The following NUP58 variants were observed in gnomAD, a reference collection of about 807,000 sequenced individuals.
The protein encoded by NUP58 is nucleoporin 58.
NUP58 carries 17 observed loss-of-function variants against 70.1 expected under a neutral mutation model. That is an observed-to-expected ratio of 0.24 (90% confidence interval 0.17 to 0.36). The LOEUF (loss-of-function observed/expected upper bound fraction) is 0.36. NUP58 is among the 10% of genes least tolerant of loss of function. The pLI, the probability that NUP58 is intolerant of heterozygous loss-of-function variation, is 1.00. For synonymous variants in NUP58, 275 were observed against 257.6 expected (o/e 1.07, Z -0.65); for missense variants, 644 against 701.5 (o/e 0.92, Z 0.93).
At chr13:25,315,272 T>C (rs2137751917) in intron 5 of NUP58, 85 bp from the exon 6 acceptor site, 1 of 930,742 alleles carries the variant, frequency 1.1e-6, no homozygotes, top group South Asian at 1.7e-5. Flanking sequence ...AGGATCCAAC[T>C]TTAAAAGCAT....
chr13:25,342,521 G>C (rs530302149), downstream of NUP58: 6 of 152,556 alleles, frequency 3.9e-5, no homozygotes, highest in African/African-American at 1.4e-4. Flanking sequence ...TATACATCTT[G>C]CTCTTTTTTA....
At chr13:25,324,251 C>T (rs1286849460) in intron 9 of NUP58, among the ~76,000 whole-genome samples, 1 of 151,982 alleles carries the variant, frequency 6.6e-6, no homozygotes, top group African/African-American at 2.4e-5. Flanking sequence ...AGAGATGTTG[C>T]TACAGGGAAT....
intron 3 of NUP58, among the ~76,000 whole-genome samples, chr13:25,347,655 A>G (rs2032065756): frequency 6.6e-6 from 1 of 152,184 alleles, no homozygotes; most frequent in African/African-American, 2.4e-5. Flanking sequence ...AATTGCCCTC[A>G]TTATTTTCAG....
intron 5 of NUP58, among the ~76,000 whole-genome samples, 164 bp downstream of exon 5, chr13:25,313,915 A>T (rs1392276380): frequency 6.6e-6 from 1 of 152,106 alleles, no homozygotes; most frequent in Non-Finnish European, 1.5e-5. Flanking sequence ...TGGATGTATT[A>T]ACCGTATTTT....
intron 13 of NUP58, chr13:25,333,276 A>G: frequency 2.0e-6 from 2 of 985,364 alleles, no homozygotes; most frequent in Non-Finnish European, 2.4e-6. Flanking sequence ...CTCGAGGAAT[A>G]CAAAGGTAGA....
At chr13:25,313,377 T>C (rs1193637812) in intron 4 of NUP58, among the ~76,000 whole-genome samples, 1 of 152,218 alleles carries the variant, frequency 6.6e-6, no homozygotes, top group Non-Finnish European at 1.5e-5. Flanking sequence ...TATTGCTATC[T>C]AGAATCAGTT....
downstream of NUP58, among the ~76,000 whole-genome samples, chr13:25,343,817 AT>A (rs2032012592): frequency 1.4e-5 from 2 of 140,568 alleles, no homozygotes; most frequent in African/African-American, 2.5e-5. Flanking sequence ...ATATATATAT[AT>A]ATATATATAC....
chr13:25,334,871 G>A, intron 13 of NUP58: 2 of 984,574 alleles, frequency 2.0e-6, no homozygotes, highest in Non-Finnish European at 2.4e-6. Context: ...ACTTTGGCCA[G>A]TCATTGGTAT....
chr13:25,308,482 T>C lies in NUP58; in HGVS notation c.250+534T>C, dbSNP rs1033876786. 2.2e-3 allele frequency among the ~76,000 whole-genome samples: 327 copies of C among 147,580 alleles called. 1 individual carries two copies. Among genetic ancestry groups the C allele is most frequent in the Non-Finnish European group, 3.3e-3 (224 of 67,872 alleles). On this transcript the variant is annotated intron_variant, in intron 2 of 15. Coordinates refer to ENST00000381736, the MANE Select transcript of NUP58 (RefSeq NM_014089.4). Reference sequence around the variant, plus strand: ...CACGCCTGGCTAATTTTTTTTTTTTTTTTTTTACTTTTTTACTTTTTGTAG... The same window carrying C: ...CACGCCTGGCTAATTTTTTTTTTTTCTTTTTTACTTTTTTACTTTTTGTAG...
At chr13:25,329,468 G>T (rs952243469) in intron 12 of NUP58, among the ~76,000 whole-genome samples, 2 of 152,086 alleles carry the variant, frequency 1.3e-5, no homozygotes, top group African/African-American at 4.8e-5. Context: ...ACATAAAACT[G>T]CCCTAGATCA....
At chr13:25,313,290 A>G (rs1208267970) in intron 4 of NUP58, among the ~76,000 whole-genome samples, 1 of 152,184 alleles carries the variant, frequency 6.6e-6, no homozygotes, top group Non-Finnish European at 1.5e-5. Context: ...GGGGAAGACA[A>G]AGACTTGGCA....
intron 13 of NUP58, 114 bp downstream of exon 13, chr13:25,331,672 T>G: frequency 2.0e-6 from 3 of 1,481,686 alleles, no homozygotes; most frequent in Non-Finnish European, 2.7e-6. Flanking sequence ...GAGTAGCTGT[T>G]CCAATACAAT....
At chr13:25,333,370 A>T in intron 13 of NUP58, 1 of 985,374 alleles carries the variant, frequency 1.0e-6, no homozygotes, top group African/African-American at 1.7e-5. Context: ...TTTTGCTCAT[A>T]GGCTTTAATT....
intron 11 of NUP58, 119 bp downstream of exon 11, chr13:25,327,153 T>A: frequency 1.6e-6 from 1 of 624,412 alleles, no homozygotes; most frequent in Admixed American, 2.7e-5. Flanking sequence ...TCCTTAAAAG[T>A]CATTTACTAC....
At chr13:25,306,470 A>G (rs968564686) in intron 1 of NUP58, among the ~76,000 whole-genome samples, 5 of 151,974 alleles carry the variant, frequency 3.3e-5, no homozygotes, top group African/African-American at 4.8e-5. Context: ...ATAGAGGCTC[A>G]GAAAGGTTAA....
At chr13:25,333,954 T>G (rs965331417) in intron 13 of NUP58, 9 of 985,416 alleles carry the variant, frequency 9.1e-6, no homozygotes, top group Non-Finnish European at 8.4e-6. Context: ...GCAAATAGCT[T>G]CTTAGACTGC....
intron 1 of NUP58, among the ~76,000 whole-genome samples, chr13:25,304,122 G>A (rs2137701594): frequency 6.6e-6 from 1 of 152,188 alleles, no homozygotes; most frequent in South Asian, 2.1e-4. Flanking sequence ...TAAATATTTA[G>A]CATCAAGTCT....
At chr13:25,313,278 CAG>C (rs751969634) in intron 4 of NUP58, among the ~76,000 whole-genome samples, 15 of 152,232 alleles carry the variant, frequency 9.9e-5, no homozygotes, top group Admixed American at 8.5e-4. Flanking sequence ...CATTTAGTGA[CAG>C]GGGAAGACAA....
chr13:25,341,143 C>G lies in NUP58; in HGVS notation c.*1009C>G, dbSNP rs2031943401. 1 of 152,108 alleles carries G rather than the reference C, an allele frequency of 6.6e-6. No homozygotes were observed. The highest frequency in any genetic ancestry group is 1.5e-5 in the Non-Finnish European group (1 of 68,034). 9.4% of individuals were successfully genotyped at this position (152,108 alleles called of 1,614,324 possible). A position where few individuals can be genotyped will look rare whatever the true frequency, so the allele number is the denominator to read the frequency against. On this transcript the variant is annotated 3_prime_UTR_variant, in exon 16 of 16. Coordinates refer to ENST00000381736, the MANE Select transcript of NUP58 (RefSeq NM_014089.4). ...ACTTGGCCAACTCAACTTTATTGCC[C>G]CTGATCTTTTCCATTTTTGTTTCCA... is the stretch of plus-strand genomic sequence containing the variant.
Sources: allele counts gnomAD v4.1 joint callset (sites outside exome capture counted in the v4.1 genomes callset), GRCh38; gene constraint gnomAD v4.1.1; transcripts MANE v1.5; gene names NCBI Gene and HGNC (gene_info 2026-07-23, HGNC 2026-07-21).